The following DNAJC27 variants were observed in gnomAD, a reference collection of about 807,000 sequenced individuals.
The protein encoded by DNAJC27 is DnaJ heat shock protein family (Hsp40) member C27, also known as dnaJ homolog subfamily C member 27.
DNAJC27 carries 25 observed loss-of-function variants against 31.4 expected under a neutral mutation model. The observed-to-expected ratio is 0.80, with a 90% CI of 0.58 to 1.11. DNAJC27 has a LOEUF of 1.11. Among genes scored for constraint, DNAJC27 ranks in the 50% most tolerant of loss-of-function variants. The pLI, the probability that DNAJC27 is intolerant of heterozygous loss-of-function variation, is 0.00. For missense variants in DNAJC27, 356 were observed against 347.3 expected, an observed-to-expected ratio of 1.02 and a Z score of -0.20; for synonymous variants, 106 against 112.7, an observed-to-expected ratio of 0.94 and a Z score of 0.37.
intron 5 of DNAJC27, 131 bp from the exon 6 acceptor site, chr2:24,951,685 CT>C (rs979682124): frequency 8.7e-5 from 47 of 537,552 alleles, no homozygotes; most frequent in African/African-American, 8.2e-4. Context: ...CAAATACACA[CT>C]TTGGAAGATT....
rs1666088262 is a variant in DNAJC27, at chr2:24,963,067, C to A, written c.240+338G>T. ...CAGTACCCTGCTGTGAAAGAAGTCG[C>A]ATCACTGAGTTCTTAAGCCCAAGCA... On this transcript the variant is annotated intron_variant, in intron 3 of 6. Transcript: ENST00000264711. The A allele has an allele frequency of 1.8e-5, 4 of 221,738 alleles. No homozygotes were observed. The South Asian group carries it at 3.5e-4, about 19-fold the overall frequency. 13.7% of individuals were successfully genotyped at this position (221,738 alleles called of 1,614,324 possible). A position where few individuals can be genotyped will look rare whatever the true frequency, so the allele number is the denominator to read the frequency against.
intron 6 of DNAJC27, among the ~76,000 whole-genome samples, chr2:24,950,500 T>C (rs1665742854): frequency 6.6e-6 from 1 of 152,198 alleles, no homozygotes; most frequent in East Asian, 1.9e-4. Flanking sequence ...CAAAGAATAG[T>C]GATTGAATTT....
chr2:24,963,443 T>C lies in DNAJC27; in HGVS notation c.202A>G (p.Asn68Asp), dbSNP rs765379265. The change falls in exon 3 of 7, where the codon AAC becomes GAC. Residue 68 changes from asparagine (N) to aspartate (D), a missense_variant. Physicochemically the swap from Asn to Asp is conservative, Grantham distance 23. Transcript: ENST00000264711. ...GGATGTCCAGCCATATCAAAGATGT[T>C]AACTTTGATTTCTCTGTCTCTGACG... ...VHVRDREIKV[N>D]IFDMAGHPFF... The C allele has an allele frequency of 1.9e-6, 3 of 1,613,784 alleles. No homozygotes were observed. Among genetic ancestry groups the C allele is most frequent in the South Asian group, 2.2e-5 (2 of 91,044 alleles).
At chr2:24,955,620 C>T (rs149245823) in intron 5 of DNAJC27, among the ~76,000 whole-genome samples, 38 of 152,266 alleles carry the variant, frequency 2.5e-4, no homozygotes, top group African/African-American at 8.9e-4. Flanking sequence ...CACATCTTGG[C>T]ACATCATATT....
intron 3 of DNAJC27, among the ~76,000 whole-genome samples, chr2:24,962,417 G>A (rs983609039): frequency 2.0e-5 from 3 of 151,970 alleles, no homozygotes; most frequent in African/African-American, 7.3e-5. Context: ...CACCACACCC[G>A]GCTGATTTTT....
At chr2:24,949,023 G>A (rs1300930855) in intron 6 of DNAJC27, among the ~76,000 whole-genome samples, 2 of 152,174 alleles carry the variant, frequency 1.3e-5, no homozygotes, top group Non-Finnish European at 2.9e-5. Context: ...TGAGGTCATA[G>A]GGTCATGTTA....
intron 5 of DNAJC27, among the ~76,000 whole-genome samples, chr2:24,954,062 A>G (rs1012422453): frequency 3.9e-5 from 6 of 152,184 alleles, no homozygotes; most frequent in African/African-American, 1.4e-4. Context: ...CTGAGCAGAC[A>G]CAAGTCTCAT....
At chr2:24,954,196 T>C (rs1440989776) in intron 5 of DNAJC27, among the ~76,000 whole-genome samples, 1 of 152,148 alleles carries the variant, frequency 6.6e-6, no homozygotes, top group Non-Finnish European at 1.5e-5. Flanking sequence ...GGCTGGGCTA[T>C]ATATGCATAG....
At position 24,943,932 on chromosome 2, in the gene DNAJC27, G is replaced by A. The variant is rs965517130; in HGVS notation, c.*3684C>T. ...TGCACCGCCTAATATTGCACTGCTC[G>A]TTAGACACCATCTCACTTATCCATG... On this transcript the variant is annotated 3_prime_UTR_variant, in exon 7 of 7. Transcript: ENST00000264711. 2 of 152,328 alleles carry A rather than the reference G, an allele frequency of 1.3e-5. No homozygotes were observed. Among genetic ancestry groups the A allele is most frequent in the African/African-American group, 4.8e-5 (2 of 41,416 alleles). 9.4% of individuals were successfully genotyped at this position (152,328 alleles called of 1,614,324 possible).
At chr2:24,963,163 T>C (rs1379500567) in intron 3 of DNAJC27, 1 of 419,030 alleles carries the variant, frequency 2.4e-6, no homozygotes, top group South Asian at 5.6e-5. Flanking sequence ...CCTCTGAAAG[T>C]CAAAATGTCT....
At chr2:24,958,836 A>G (rs1198359400) in intron 3 of DNAJC27, among the ~76,000 whole-genome samples, 1 of 152,224 alleles carries the variant, frequency 6.6e-6, no homozygotes, top group Non-Finnish European at 1.5e-5. Context: ...GCATTGACAC[A>G]TGGGGTTTCC....
chr2:24,953,273 C>T (rs535509600), intron 5 of DNAJC27, among the ~76,000 whole-genome samples: 2 of 152,112 alleles, frequency 1.3e-5, no homozygotes, highest in Non-Finnish European at 2.9e-5. Context: ...CTTTTAGACT[C>T]TCCTTTCTGA....
intron 4 of DNAJC27, 23 bp from the exon 5 acceptor site, chr2:24,957,188 CAG>C (rs549168133): frequency 3.8e-6 from 6 of 1,567,894 alleles, no homozygotes; most frequent in Non-Finnish European, 5.2e-6. Context: ...GGGCGGGGGA[CAG>C]AGAGAAGATT....
intron 6 of DNAJC27, among the ~76,000 whole-genome samples, chr2:24,949,911 T>A: frequency 6.7e-6 from 1 of 149,516 alleles, no homozygotes; most frequent in Non-Finnish European, 1.5e-5. Flanking sequence ...ACAGATTCAG[T>A]GCAATCTTAC....
chr2:24,947,756 A>G lies in DNAJC27; in HGVS notation c.690-8T>C, dbSNP rs1046332759. ...GCTTTATTGACTTCATCCCTGGGAA[A>G]AGAAGCCAAGATCTATGTTAGTAAC... On this transcript the variant is annotated splice_region_variant and splice_polypyrimidine_tract_variant and intron_variant, in intron 6 of 6. Transcript: ENST00000264711. 3.1e-6 allele frequency: 5 copies of G among 1,609,924 alleles called. No individual in the cohort carries two copies. Among genetic ancestry groups the G allele is most frequent in the Non-Finnish European group, 3.4e-6 (4 of 1,176,724 alleles).
chr2:24,944,840 G>C lies in DNAJC27; in HGVS notation c.*2776C>G, dbSNP rs960554616. 1 of 152,634 alleles carries C rather than the reference G, an allele frequency of 6.6e-6. No homozygotes were observed. Among genetic ancestry groups the C allele is most frequent in the African/African-American group, 2.4e-5 (1 of 41,442 alleles). 9.5% of individuals were successfully genotyped at this position (152,634 alleles called of 1,614,324 possible). A position where few individuals can be genotyped will look rare whatever the true frequency, so the allele number is the denominator to read the frequency against. On this transcript the variant is annotated 3_prime_UTR_variant, in exon 7 of 7. Transcript: ENST00000264711. ...AGAAGATGAATTTGAAATGCCTCCAGGGATTTCTAACAAGTTTAAAAAGTG... is the reference window on the plus strand; with the variant it reads ...AGAAGATGAATTTGAAATGCCTCCACGGATTTCTAACAAGTTTAAAAAGTG...
At chr2:24,954,078 T>C (rs560135051) in intron 5 of DNAJC27, among the ~76,000 whole-genome samples, 20 of 152,190 alleles carry the variant, frequency 1.3e-4, no homozygotes, top group Non-Finnish European at 2.6e-4. Flanking sequence ...CTCATTGAGC[T>C]AAGGAGGAGG....
intron 6 of DNAJC27, 77 bp downstream of exon 6, chr2:24,951,317 T>C (rs1665768618): frequency 2.0e-5 from 28 of 1,387,962 alleles, no homozygotes; most frequent in Non-Finnish European, 2.4e-5. Flanking sequence ...TGGAGGAAGA[T>C]ATACTGCACC....
intron 5 of DNAJC27, chr2:24,953,719 A>G (rs561633602): frequency 4.2e-5 from 7 of 166,618 alleles, no homozygotes; most frequent in African/African-American, 1.7e-4. Flanking sequence ...CTTCTAGCCT[A>G]CGAGTTAACC....
Sources: gnomAD v4.1 joint callset for allele counts (sites outside exome capture counted in the v4.1 genomes callset) on GRCh38, gnomAD v4.1.1 for gene constraint, MANE v1.5 for transcripts, NCBI Gene and HGNC (gene_info 2026-07-23, HGNC 2026-07-21) for gene names.